Variants in PDGFD observed in about 807,000 individuals in gnomAD.
PDGFD encodes platelet-derived growth factor D.
A neutral mutation model predicts 44.7 loss-of-function variants in PDGFD; 30 were observed. The observed-to-expected ratio is 0.67, with a 90% confidence interval of 0.50 to 0.91. The LOEUF (loss-of-function observed/expected upper bound fraction) is 0.91, where lower values mean the gene tolerates loss of function less well. Ranked by LOEUF, PDGFD falls within the 40% of genes least tolerant of loss-of-function variation. The pLI, the probability that PDGFD is intolerant of heterozygous loss-of-function variation, is 0.00. For missense variants in PDGFD, 445 were observed against 457.8 expected, an observed-to-expected ratio of 0.97 and a Z score of 0.25; for synonymous variants, 173 against 168.4, an observed-to-expected ratio of 1.03 and a Z score of -0.21.
chr11:104,000,324 C>T, intron 1 of PDGFD, 69 bp from the exon 2 acceptor site: 4 of 1,265,114 alleles, frequency 3.2e-6, no homozygotes, highest in Admixed American at 1.8e-5. Context: ...AAAAAGAGAA[C>T]AGTTTACAAC....
At chr11:104,127,254 A>C (rs768571645) in intron 1 of PDGFD, among the ~76,000 whole-genome samples, 3 of 152,088 alleles carry the variant, frequency 2.0e-5, no homozygotes, top group African/African-American at 4.8e-5. Flanking sequence ...TTTGCTGCAC[A>C]TTGGAATTGC....
chr11:104,105,706 A>G (rs1861463250), intron 1 of PDGFD, among the ~76,000 whole-genome samples: 1 of 152,102 alleles, frequency 6.6e-6, no homozygotes, highest in South Asian at 2.1e-4. Flanking sequence ...CCAAAATGAC[A>G]GTAGGAAAAT....
At chr11:103,931,727 C>CA (rs1447872170) in intron 5 of PDGFD, among the ~76,000 whole-genome samples, 1 of 152,136 alleles carries the variant, frequency 6.6e-6, no homozygotes, top group Admixed American at 6.6e-5. Context: ...GCTGGGACTA[C>CA]AGGTGTGTGC....
At chr11:104,133,679 T>C (rs970544890) in intron 1 of PDGFD, among the ~76,000 whole-genome samples, 2 of 152,184 alleles carry the variant, frequency 1.3e-5, no homozygotes, top group African/African-American at 4.8e-5. Flanking sequence ...ATTAAACAAA[T>C]AACAGTCACT....
At chr11:104,018,131 T>C (rs550110544) in intron 1 of PDGFD, among the ~76,000 whole-genome samples, 129 of 151,902 alleles carry the variant, frequency 8.5e-4, no homozygotes, top group African/African-American at 2.7e-3. Context: ...TGTCCCCCAA[T>C]TGCACCCCAC....
At chr11:103,943,724 C>A (rs371269531) in intron 4 of PDGFD, 74 bp from the exon 5 acceptor site, 259 of 1,287,054 alleles carry the variant, frequency 2.0e-4, no homozygotes, top group Middle Eastern at 1.0e-3. Flanking sequence ...TTCAACTATA[C>A]GGAAGGAACA....
intron 1 of PDGFD, among the ~76,000 whole-genome samples, chr11:104,144,507 C>G (rs1319547245): frequency 1.4e-5 from 1 of 73,820 alleles, no homozygotes; most frequent in Non-Finnish European, 2.5e-5. Flanking sequence ...ACTCCGTCAC[C>G]AAAAAAAAAA....
chr11:104,082,542 A>G (rs1006165369), intron 1 of PDGFD, among the ~76,000 whole-genome samples: 1 of 152,032 alleles, frequency 6.6e-6, no homozygotes, highest in Non-Finnish European at 1.5e-5. Context: ...TTTTTAGTTC[A>G]CTCATTTCAA....
At chr11:104,078,210 G>A (rs968153330) in intron 1 of PDGFD, among the ~76,000 whole-genome samples, 1 of 152,158 alleles carries the variant, frequency 6.6e-6, no homozygotes, top group African/African-American at 2.4e-5. Context: ...GTTAAGGGTT[G>A]TGTAATGGGA....
At chr11:104,052,614 G>A (rs932042918) in intron 1 of PDGFD, among the ~76,000 whole-genome samples, 9 of 152,210 alleles carry the variant, frequency 5.9e-5, no homozygotes, top group African/African-American at 1.7e-4. Context: ...ATTTTTTGGC[G>A]TGTGTTTGCT....
intron 3 of PDGFD, among the ~76,000 whole-genome samples, chr11:103,962,495 T>C (rs1057477677): frequency 6.6e-6 from 1 of 152,122 alleles, no homozygotes; most frequent in Admixed American, 6.6e-5. Flanking sequence ...AAAGGATCTC[T>C]GAGTACAAAC....
rs1288294103 is a variant in PDGFD at position 104,140,054 on chromosome 11, G to A, written c.124+23750C>T. Among the ~76,000 whole-genome samples the A allele has an allele frequency of 1.0e-4, 2 of 19,898 alleles. 1 individual carries two copies. The highest frequency in any genetic ancestry group is 1.7e-4 in the Non-Finnish European group (2 of 11,516). 13.1% of individuals were successfully genotyped at this position (19,898 alleles called of 152,430 possible). On this transcript the variant is annotated intron_variant, in intron 1 of 6. Coordinates refer to ENST00000393158, the MANE Select transcript of PDGFD (RefSeq NM_025208.5). ...CGCAGTCTGGCCTGGGCGACAGAGC[G>A]AGACTCCGTCTCAAAAAAAAAAAAA...
chr11:103,925,308 G>T (rs3018608), intron 6 of PDGFD, among the ~76,000 whole-genome samples: 41 of 152,010 alleles, frequency 2.7e-4, no homozygotes, highest in African/African-American at 8.4e-4. Context: ...ATAATCATTT[G>T]GGTATATACC....
chr11:104,116,811 T>C (rs1417825019), intron 1 of PDGFD, among the ~76,000 whole-genome samples: 1 of 151,970 alleles, frequency 6.6e-6, no homozygotes, highest in African/African-American at 2.4e-5. Flanking sequence ...TGATAGTGAA[T>C]AAGTCTCACA....
intron 3 of PDGFD, among the ~76,000 whole-genome samples, chr11:103,959,101 A>C (rs558677364): frequency 6.6e-6 from 1 of 152,306 alleles, no homozygotes; most frequent in South Asian, 2.1e-4. Context: ...CAGGAGTGTC[A>C]GTTGTAAAGT....
At chr11:104,030,670 G>GA (rs1860110346) in intron 1 of PDGFD, among the ~76,000 whole-genome samples, 2 of 152,056 alleles carry the variant, frequency 1.3e-5, no homozygotes, top group South Asian at 4.1e-4. Context: ...GATCCACCAG[G>GA]AAAAAATATG....
chr11:104,096,958 T>G (rs1861298038), intron 1 of PDGFD, among the ~76,000 whole-genome samples: 1 of 152,196 alleles, frequency 6.6e-6, no homozygotes, highest in Admixed American at 6.5e-5. Flanking sequence ...AGGTCACTAT[T>G]TATTACCTCT....
chr11:103,915,766 C>G (rs918591907), intron 6 of PDGFD, among the ~76,000 whole-genome samples: 4 of 152,130 alleles, frequency 2.6e-5, no homozygotes, highest in African/African-American at 9.7e-5. Context: ...TGGAACAGAA[C>G]AGAGACCTCA....
intron 1 of PDGFD, among the ~76,000 whole-genome samples, chr11:104,122,202 C>G (rs1411126493): frequency 6.6e-6 from 1 of 151,966 alleles, no homozygotes; most frequent in Non-Finnish European, 1.5e-5. Context: ...GGCAGCTGTG[C>G]CAACAGAAAA....
Sources: allele counts gnomAD v4.1 joint callset (sites outside exome capture counted in the v4.1 genomes callset), GRCh38; gene constraint gnomAD v4.1.1; transcripts MANE v1.5; gene names NCBI Gene and HGNC (gene_info 2026-07-23, HGNC 2026-07-21).